Variants in CATSPERT observed in about 807,000 individuals in gnomAD.
CATSPERT encodes cation channel sperm-associated targeting subunit tau.
chr2:201,581,585 TATATATATAC>T, the CATSPERT span, among the ~76,000 whole-genome samples: 83 of 70,154 alleles, frequency 1.2e-3, 8 homozygotes, highest in East Asian at 2.8e-3. Flanking sequence ...TATATATATA[TATATATATAC>T]ACATACATAT....
chr2:201,605,414 C>T, the CATSPERT span, among the ~76,000 whole-genome samples: 1 of 152,012 alleles, frequency 6.6e-6, no homozygotes, highest in Non-Finnish European at 1.5e-5. Flanking sequence ...GAAGAGGTAT[C>T]CCTGCATACA....
At chr2:201,595,945 A>C in the CATSPERT span, among the ~76,000 whole-genome samples, 2 of 151,986 alleles carry the variant, frequency 1.3e-5, no homozygotes, top group South Asian at 2.1e-4. Context: ...ACGAAGTTGC[A>C]GAGAAAAAGG....
the CATSPERT span, among the ~76,000 whole-genome samples, chr2:201,588,181 G>A: frequency 6.6e-6 from 1 of 151,828 alleles, no homozygotes; most frequent in Non-Finnish European, 1.5e-5. Context: ...ACTTGGCAGA[G>A]ATTCAACAAA....
At chr2:201,584,214 C>G in the CATSPERT span, among the ~76,000 whole-genome samples, 1 of 152,048 alleles carries the variant, frequency 6.6e-6, no homozygotes, top group South Asian at 2.1e-4. Flanking sequence ...CACTTGAGCT[C>G]AGAAGGTTGA....
the CATSPERT span, among the ~76,000 whole-genome samples, chr2:201,592,622 T>G: frequency 6.6e-6 from 1 of 151,340 alleles, no homozygotes; most frequent in Admixed American, 6.6e-5. Flanking sequence ...GGACTCTTTT[T>G]GGTTGGTAAG....
At chr2:201,522,971 G>T in the CATSPERT span, among the ~76,000 whole-genome samples, 1 of 152,196 alleles carries the variant, frequency 6.6e-6, no homozygotes, top group Non-Finnish European at 1.5e-5. Context: ...CCCAACCGGG[G>T]TGTTTCCCAG....
the CATSPERT span, among the ~76,000 whole-genome samples, chr2:201,561,911 A>G: frequency 1.3e-5 from 2 of 151,842 alleles, no homozygotes; most frequent in Non-Finnish European, 2.9e-5. Flanking sequence ...AAAAGATAAT[A>G]TAAAACACCT....
chr2:201,611,935 C>G, the CATSPERT span, among the ~76,000 whole-genome samples: 1 of 152,178 alleles, frequency 6.6e-6, no homozygotes, highest in Non-Finnish European at 1.5e-5. Context: ...ACTTTGCAGA[C>G]AGGATGCAGA....
chr2:201,578,576 C>A, the CATSPERT span, among the ~76,000 whole-genome samples: 1 of 151,884 alleles, frequency 6.6e-6, no homozygotes, highest in Admixed American at 6.6e-5. Context: ...TTTATATTTT[C>A]TATTTTTCTG....
chr2:201,549,125 AC>A, the CATSPERT span, among the ~76,000 whole-genome samples: 1 of 152,178 alleles, frequency 6.6e-6, no homozygotes, highest in South Asian at 2.1e-4. Flanking sequence ...CATAAAATAG[AC>A]CAATACACTT....
the CATSPERT span, among the ~76,000 whole-genome samples, chr2:201,494,999 C>G: frequency 3.3e-4 from 50 of 152,126 alleles, no homozygotes; most frequent in African/African-American, 1.1e-3. Context: ...CTTTTTGCTA[C>G]TTGGAATATT....
chr2:201,578,584 CTGTTTA>C, the CATSPERT span, among the ~76,000 whole-genome samples: 8 of 151,800 alleles, frequency 5.3e-5, no homozygotes, highest in African/African-American at 1.2e-4. Flanking sequence ...TTCTATTTTT[CTGTTTA>C]TGTTTATAAG....
At chr2:201,618,831 T>C in the CATSPERT span, 3 of 1,481,490 alleles carry the variant, frequency 2.0e-6, no homozygotes, top group Non-Finnish European at 2.8e-6. Flanking sequence ...CCTTTAATCC[T>C]TTCACCACCC....
At chr2:201,488,653 A>G in the CATSPERT span, among the ~76,000 whole-genome samples, 1 of 152,158 alleles carries the variant, frequency 6.6e-6, no homozygotes, top group African/African-American at 2.4e-5. Flanking sequence ...CTCATCTCAT[A>G]ATACTTTGCA....
At chr2:201,563,962 G>C in the CATSPERT span, among the ~76,000 whole-genome samples, 1 of 152,186 alleles carries the variant, frequency 6.6e-6, no homozygotes, top group African/African-American at 2.4e-5. Flanking sequence ...TGGCCAAGAA[G>C]TTAAAAAGCT....
chr2:201,567,812 A>G, the CATSPERT span, among the ~76,000 whole-genome samples: 1 of 152,164 alleles, frequency 6.6e-6, no homozygotes, highest in African/African-American at 2.4e-5. Flanking sequence ...ACAATTTTTG[A>G]CCAATAGCTA....
chr2:201,589,628 G>A, the CATSPERT span, among the ~76,000 whole-genome samples: 1 of 151,238 alleles, frequency 6.6e-6, no homozygotes, highest in Non-Finnish European at 1.5e-5. Flanking sequence ...ATATTTAAAT[G>A]TAAAACCCAA....
the CATSPERT span, among the ~76,000 whole-genome samples, chr2:201,615,805 A>G: frequency 8.5e-5 from 13 of 152,196 alleles, no homozygotes; most frequent in African/African-American, 1.2e-4. Flanking sequence ...TTGATAGATC[A>G]CTAGCAAGAC....
At chr2:201,529,025 AC>A in the CATSPERT span, among the ~76,000 whole-genome samples, 1 of 152,146 alleles carries the variant, frequency 6.6e-6, no homozygotes, top group African/African-American at 2.4e-5. Flanking sequence ...AAAATAAAAT[AC>A]CTAGGAATAA....
Sources: gnomAD v4.1 joint callset for allele counts (sites outside exome capture counted in the v4.1 genomes callset) on GRCh38, gnomAD v4.1.1 for gene constraint, MANE v1.5 for transcripts, NCBI Gene and HGNC (gene_info 2026-07-23, HGNC 2026-07-21) for gene names.